GPR155: variants seen among roughly 807,000 people sequenced by gnomAD.
GPR155 encodes the protein lysosomal cholesterol signaling protein.
Under a neutral mutation model 93.1 loss-of-function variants are expected in GPR155, and 65 were observed. That is an observed-to-expected ratio of 0.70 (90% CI 0.57 to 0.86). GPR155 has a LOEUF of 0.86. Among genes scored for constraint, GPR155 ranks in the 40% least tolerant of loss-of-function variants. The probability of loss-of-function intolerance (pLI) is 0.00; values close to 1 mark genes in which losing one functional copy is unlikely to be tolerated. For missense variants in GPR155, 838 were observed against 1,034.8 expected (o/e 0.81, Z 2.61); for synonymous variants, 319 against 360.1 (o/e 0.89, Z 1.29).
Position 174,473,339 on chromosome 2 carries a change from G to GTA in GPR155, c.484_485dup (p.Pro163ThrfsTer17). On this transcript the variant is annotated frameshift_variant, in exon 3 of 16. Coordinates refer to ENST00000392552, the MANE Select transcript of GPR155 (RefSeq NM_152529.7). LOFTEE classifies it high-confidence loss of function. ...AATAAATGTACTGGAGATATTCTGG[G>GTA]TATGTAGTTTGATATAAAGCTTCAA... 4 of 1,589,852 alleles carry GTA rather than the reference G, an allele frequency of 2.5e-6. No homozygotes were observed. The highest frequency in any genetic ancestry group is 3.4e-6 in the Non-Finnish European group (4 of 1,169,320).
intron 13 of GPR155, among the ~76,000 whole-genome samples, chr2:174,444,154 T>C (rs1429197801): frequency 6.6e-6 from 1 of 152,086 alleles, no homozygotes; most frequent in East Asian, 1.9e-4. Flanking sequence ...TGGTGGCTCA[T>C]GCCTGTAATC....
At chr2:174,465,539 T>C (rs908457151) in intron 7 of GPR155, among the ~76,000 whole-genome samples, 3 of 152,178 alleles carry the variant, frequency 2.0e-5, no homozygotes, top group African/African-American at 7.2e-5. Context: ...GACAGCAGCC[T>C]AGAGCCACAG....
chr2:174,437,998 C>A (rs546890055), intron 15 of GPR155, among the ~76,000 whole-genome samples: 3 of 151,818 alleles, frequency 2.0e-5, no homozygotes, highest in East Asian at 3.9e-4. Flanking sequence ...CGCTTGTAAT[C>A]CCAGCACTTT....
intron 7 of GPR155, among the ~76,000 whole-genome samples, chr2:174,463,680 T>C (rs1017992566): frequency 1.3e-5 from 2 of 152,264 alleles, no homozygotes; most frequent in African/African-American, 4.8e-5. Flanking sequence ...TTCCATTTTA[T>C]GTTTCAAGCT....
At chr2:174,465,735 T>C (rs1225868822) in intron 7 of GPR155, 50 bp downstream of exon 7, 2 of 866,392 alleles carry the variant, frequency 2.3e-6, no homozygotes, top group Non-Finnish European at 3.9e-6. Context: ...CTATTAGGAA[T>C]GGGGTGGGGT....
intron 2 of GPR155, among the ~76,000 whole-genome samples, chr2:174,480,804 C>G (rs1032288807): frequency 6.6e-6 from 1 of 152,102 alleles, no homozygotes; most frequent in Admixed American, 6.5e-5. Flanking sequence ...GGGTCTCACT[C>G]TGTCACCCAG....
chr2:174,482,631 C>T (rs956314603), intron 1 of GPR155, among the ~76,000 whole-genome samples: 2 of 152,172 alleles, frequency 1.3e-5, no homozygotes, highest in Non-Finnish European at 2.9e-5. Context: ...TCAGTGCAAC[C>T]TCTGTCTCCT....
intron 7 of GPR155, among the ~76,000 whole-genome samples, chr2:174,463,138 T>C (rs958173277): frequency 7.7e-6 from 1 of 129,084 alleles, no homozygotes; most frequent in Non-Finnish European, 1.7e-5. Flanking sequence ...TTTTTTTTTT[T>C]CAGTGGTAGT....
chr2:174,448,489 C>CA lies in GPR155; in HGVS notation c.1877-1743dup, dbSNP rs555058552. On this transcript the variant is annotated intron_variant, in intron 11 of 15. Transcript: ENST00000392552. ...ACTCAGTCCTCAAAAGCAATTGTAA[C>CA]AAAAACACTATACTGGGAAGTTTTT... 4.0e-4 allele frequency among the ~76,000 whole-genome samples: 60 copies of CA among 149,562 alleles called. No homozygotes were observed. In the East Asian group the frequency reaches 8.5e-3, roughly 21 times the overall value.
At chr2:174,470,289 T>G (rs1323125304) in intron 4 of GPR155, 101 bp downstream of exon 4, 4 of 996,386 alleles carry the variant, frequency 4.0e-6, no homozygotes, top group Non-Finnish European at 5.8e-6. Flanking sequence ...GTCGTCTCTA[T>G]TTTTTCATTT....
intron 4 of GPR155, among the ~76,000 whole-genome samples, 180 bp from the exon 5 acceptor site, chr2:174,469,247 T>C (rs1306248865): frequency 6.6e-6 from 1 of 152,188 alleles, no homozygotes; most frequent in Non-Finnish European, 1.5e-5. Flanking sequence ...TAATACAAAA[T>C]ACAATTGAGT....
chr2:174,454,137 T>A (rs1687416979), intron 10 of GPR155, among the ~76,000 whole-genome samples: 1 of 151,810 alleles, frequency 6.6e-6, no homozygotes, highest in Admixed American at 6.6e-5. Flanking sequence ...TTTTGTTTTG[T>A]TCTGTTTTTT....
chr2:174,454,961 G>A (rs1049390270), intron 10 of GPR155, among the ~76,000 whole-genome samples: 2 of 152,108 alleles, frequency 1.3e-5, no homozygotes, highest in Admixed American at 1.3e-4. Context: ...GGGTCAACAG[G>A]TACAAAGTTA....
At chr2:174,465,995 T>G (rs1687828962) in intron 6 of GPR155, 93 bp from the exon 7 acceptor site, 1 of 636,160 alleles carries the variant, frequency 1.6e-6, no homozygotes, top group East Asian at 2.6e-5. Flanking sequence ...GCCAGCCATA[T>G]TCATCTTTCA....
At chr2:174,484,190 T>G (rs1399724648) in intron 1 of GPR155, among the ~76,000 whole-genome samples, 1 of 152,344 alleles carries the variant, frequency 6.6e-6, no homozygotes, top group African/African-American at 2.4e-5. Flanking sequence ...GTGGTCAATA[T>G]AGTACATGAA....
chr2:174,466,394 C>T (rs746592591), intron 6 of GPR155, 150 bp downstream of exon 6: 22 of 548,202 alleles, frequency 4.0e-5, no homozygotes, highest in South Asian at 1.2e-4. Context: ...ATATGTTAGG[C>T]GTATAGTAGT....
At position 174,465,814 on chromosome 2, in the gene GPR155, C is replaced by T. The variant is rs1309202759; in HGVS notation, c.1355G>A (p.Ser452Asn). The change falls in exon 7 of 16, where the codon AGC becomes AAC. Residue 452 changes from serine to asparagine, a missense_variant. This residue lies in a region of GPR155 where 663 missense variants were observed against 790.1 expected (regional missense o/e 0.84). Transcript: ENST00000392552. The part of the protein sequence containing the change: ...GQILVFVLLY[S>N]SLYSTYLWTG... ...CCACAGGTAGGTGCTATAGAGGGAG[C>T]TGTACAATAGAACAAACACCAAAAT... The T allele has an allele frequency of 6.3e-7, 1 of 1,595,538 alleles. No individual in the cohort carries two copies. The highest frequency in any genetic ancestry group is 8.6e-7 in the Non-Finnish European group (1 of 1,163,946).
intron 9 of GPR155, 66 bp from the exon 10 acceptor site, chr2:174,460,154 A>AT (rs11385015): frequency 0.21 from 81,668 of 387,434 alleles, 8,112 homozygotes; most frequent in African/African-American, 0.32. Flanking sequence ...CTTAGGGCAC[A>AT]TTTTTTTTTT....
intron 3 of GPR155, 46 bp downstream of exon 3, chr2:174,472,919 C>T (rs1001074177): frequency 1.1e-5 from 16 of 1,505,362 alleles, no homozygotes; most frequent in African/African-American, 4.3e-5. Context: ...TGGCTAAATA[C>T]GGCTTTCAAA....
Sources: allele counts gnomAD v4.1 joint callset (sites outside exome capture counted in the v4.1 genomes callset), GRCh38; gene constraint gnomAD v4.1.1; regional missense constraint gnomAD v4.1.1; transcripts MANE v1.5; gene names NCBI Gene and HGNC (gene_info 2026-07-23, HGNC 2026-07-21).